Variants in DPP10 observed in about 807,000 individuals in gnomAD.
DPP10 encodes the protein dipeptidyl peptidase like 10.
DPP10 carries 33 observed loss-of-function variants against 120.9 expected under a neutral mutation model. The ratio of observed to expected loss-of-function variants is 0.27; its 90% confidence interval spans 0.21 to 0.37. The LOEUF (loss-of-function observed/expected upper bound fraction) is 0.37. DPP10 is among the 10% of genes least tolerant of loss of function. The pLI, the probability that DPP10 is intolerant of heterozygous loss-of-function variation, is 1.00. For synonymous variants in DPP10, 337 were observed against 326.1 expected (o/e 1.03, Z -0.36); for missense variants, 816 against 942.8 (o/e 0.87, Z 1.76).
intron 25 of DPP10, among the ~76,000 whole-genome samples, chr2:115,841,429 G>T (rs1001994283): frequency 3.9e-5 from 6 of 152,236 alleles, no homozygotes; most frequent in African/African-American, 1.4e-4. Context: ...TGTCAAGGAG[G>T]TTCCAGTCTG....
chr2:115,712,971 C>T (rs1340908105), intron 7 of DPP10, among the ~76,000 whole-genome samples: 1 of 151,982 alleles, frequency 6.6e-6, no homozygotes, highest in African/African-American at 2.4e-5. Context: ...TTGAACACCA[C>T]TCTAGACCAT....
chr2:114,522,225 C>A (rs906201133), intron 1 of DPP10, among the ~76,000 whole-genome samples: 20 of 151,062 alleles, frequency 1.3e-4, no homozygotes, highest in African/African-American at 4.9e-4. Flanking sequence ...ACCTCATGAT[C>A]CGCCCGCCTC....
At chr2:114,932,721 C>A (rs1558893522) in intron 1 of DPP10, among the ~76,000 whole-genome samples, 1 of 152,168 alleles carries the variant, frequency 6.6e-6, no homozygotes, top group East Asian at 1.9e-4. Context: ...ACATCTTCAC[C>A]TGGTTATGGT....
At chr2:115,149,825 AATT>A (rs2051437314) in intron 1 of DPP10, among the ~76,000 whole-genome samples, 1 of 152,208 alleles carries the variant, frequency 6.6e-6, no homozygotes, top group Admixed American at 6.5e-5. Context: ...TATACTAAAA[AATT>A]ATTCGTTGTG....
At chr2:115,550,873 C>T (rs531472201) in intron 5 of DPP10, among the ~76,000 whole-genome samples, 42 of 152,182 alleles carry the variant, frequency 2.8e-4, no homozygotes, top group Non-Finnish European at 5.0e-4. Flanking sequence ...AACTGAACTC[C>T]GTAGTAGTAA....
At chr2:114,527,749 T>A in intron 1 of DPP10, among the ~76,000 whole-genome samples, 1 of 152,146 alleles carries the variant, frequency 6.6e-6, no homozygotes, top group East Asian at 1.9e-4. Context: ...CAAACCTAGA[T>A]GGTATAGCCC....
Position 114,856,088 on chromosome 2 carries a change from T to G in DPP10, c.60+413250T>G, listed in dbSNP as rs888913213. ...AAAAAAGAAGAAAAATAAAGAGAGA[T>G]CTGAACACTGGACCAGGCATTGCAT... On this transcript the variant is annotated intron_variant, in intron 1 of 25. Coordinates refer to ENST00000410059, the MANE Select transcript of DPP10 (RefSeq NM_020868.6). Among the ~76,000 whole-genome samples, 7 of 152,098 alleles carry G rather than the reference T, an allele frequency of 4.6e-5. No individual in the cohort carries two copies. The South Asian group carries it at 6.2e-4, about 14-fold the overall frequency.
chr2:114,512,733 G>A (rs971383996), intron 1 of DPP10, among the ~76,000 whole-genome samples: 2 of 152,196 alleles, frequency 1.3e-5, no homozygotes, highest in Non-Finnish European at 2.9e-5. Context: ...ACCAAAGCAT[G>A]AGCATATTTA....
At chr2:114,997,996 A>T (rs1701206095) in intron 1 of DPP10, among the ~76,000 whole-genome samples, 1 of 152,192 alleles carries the variant, frequency 6.6e-6, no homozygotes, top group Non-Finnish European at 1.5e-5. Flanking sequence ...AAATTTTGGA[A>T]AGCAAAGGTT....
At chr2:114,498,481 A>G (rs1412405805) in intron 1 of DPP10, among the ~76,000 whole-genome samples, 1 of 152,238 alleles carries the variant, frequency 6.6e-6, no homozygotes, top group Non-Finnish European at 1.5e-5. Context: ...CTGCTACAAC[A>G]GAATACCACA....
intron 5 of DPP10, among the ~76,000 whole-genome samples, chr2:115,665,790 C>T (rs571286752): frequency 6.6e-6 from 1 of 152,184 alleles, no homozygotes; most frequent in African/African-American, 2.4e-5. Context: ...TCAAGCTTAC[C>T]ATTTTTTTAA....
intron 1 of DPP10, among the ~76,000 whole-genome samples, chr2:114,594,472 G>A (rs1216745196): frequency 2.7e-5 from 4 of 147,194 alleles, no homozygotes; most frequent in African/African-American, 9.9e-5. Flanking sequence ...GTAAAAGGGA[G>A]TTTATTATAT....
intron 5 of DPP10, among the ~76,000 whole-genome samples, chr2:115,546,321 G>T (rs1365829975): frequency 6.6e-6 from 1 of 152,120 alleles, no homozygotes; most frequent in Middle Eastern, 3.2e-3. Context: ...GTATACGTAA[G>T]TGTATATACA....
intron 1 of DPP10, among the ~76,000 whole-genome samples, chr2:115,211,608 C>T (rs1340403629): frequency 1.3e-5 from 2 of 151,898 alleles, no homozygotes; most frequent in African/African-American, 2.4e-5. Flanking sequence ...AAAATATCGG[C>T]TCTGGGAGGA....
intron 1 of DPP10, among the ~76,000 whole-genome samples, chr2:114,724,819 GA>G (rs1185568380): frequency 6.6e-6 from 1 of 152,180 alleles, no homozygotes; most frequent in Non-Finnish European, 1.5e-5. Flanking sequence ...TTATAAATAA[GA>G]GGTAGAAAGG....
At chr2:114,828,729 T>C (rs1472431448) in intron 1 of DPP10, 1 of 152,164 alleles carries the variant, frequency 6.6e-6, no homozygotes, top group East Asian at 1.9e-4. Flanking sequence ...AATGAAACTA[T>C]TGATGTATTT....
At chr2:114,536,169 G>T (rs1199713830) in intron 1 of DPP10, among the ~76,000 whole-genome samples, 1 of 152,068 alleles carries the variant, frequency 6.6e-6, no homozygotes, top group African/African-American at 2.4e-5. Context: ...CCCTCTTGGA[G>T]CCCCATGATT....
At chr2:115,162,019 G>T (rs903460849) in intron 1 of DPP10, 2 of 1,386,412 alleles carry the variant, frequency 1.4e-6, no homozygotes, top group Non-Finnish European at 9.3e-7. Flanking sequence ...AGGCGCAGCC[G>T]GCGGACCAGG....
intron 1 of DPP10, among the ~76,000 whole-genome samples, chr2:114,765,137 C>T (rs1227296275): frequency 6.6e-6 from 1 of 152,082 alleles, no homozygotes; most frequent in Non-Finnish European, 1.5e-5. Flanking sequence ...TCTTCTGATT[C>T]TTATTCTTTC....
Sources: allele counts gnomAD v4.1 joint callset (sites outside exome capture counted in the v4.1 genomes callset), GRCh38; gene constraint gnomAD v4.1.1; transcripts MANE v1.5; gene names NCBI Gene and HGNC (gene_info 2026-07-23, HGNC 2026-07-21).